Variants in NAALADL2 observed in about 807,000 individuals in gnomAD.
NAALADL2 encodes the protein N-acetylated alpha-linked acidic dipeptidase like 2, also known as inactive N-acetylated-alpha-linked acidic dipeptidase-like protein 2.
A neutral mutation model predicts 87.2 loss-of-function variants in NAALADL2; 76 were observed. The ratio of observed to expected loss-of-function variants is 0.87; its 90% confidence interval spans 0.72 to 1.05. The LOEUF is 1.05. NAALADL2 is among the 50% of genes least tolerant of loss of function. The pLI is 0.00. For synonymous variants in NAALADL2, 354 were observed against 331.0 expected (o/e 1.07, Z -0.75); for missense variants, 1,089 against 945.8 (o/e 1.15, Z -1.99).
intron 1 of NAALADL2, among the ~76,000 whole-genome samples, chr3:174,957,495 G>T (rs1203577947): frequency 6.6e-6 from 1 of 151,992 alleles, no homozygotes; most frequent in African/African-American, 2.4e-5. Context: ...AAAAGAGCTG[G>T]TTATACAATT....
intron 4 of NAALADL2, among the ~76,000 whole-genome samples, chr3:175,289,228 T>G (rs12638602): frequency 0.75 from 113,386 of 151,942 alleles, 42,769 homozygotes; most frequent in Non-Finnish European, 0.79. Context: ...TTTTAGATTT[T>G]AAGGATCAAG....
intron 1 of NAALADL2, among the ~76,000 whole-genome samples, chr3:174,495,538 G>T (rs1718477845): frequency 6.6e-6 from 1 of 152,126 alleles, no homozygotes. Flanking sequence ...TACCACAAGG[G>T]CATGAGCTAC....
At position 174,698,842 on chromosome 3, in the gene NAALADL2, T is replaced by C. The variant is rs373331516; in HGVS notation, c.-114-38799T>C. 7.3e-4 allele frequency among the ~76,000 whole-genome samples: 97 copies of C among 132,390 alleles called. 21 individuals carry two copies. Among genetic ancestry groups the C allele is most frequent in the South Asian group, 3.5e-3 (14 of 3,980 alleles). The allele number at this position is 132,390 out of a possible 152,430, so 86.9% of individuals were successfully genotyped here. ...TCCCGCCACTGCACTCCAGCCTGGG[T>C]GACAGAGCGAGACTCCGTCTCAAAG... is the stretch of plus-strand genomic sequence containing the variant. On this transcript the variant is annotated intron_variant, in intron 2 of 3. Transcript: ENST00000434257.
At chr3:175,462,990 T>C (rs1283834457) in intron 6 of NAALADL2, among the ~76,000 whole-genome samples, 1 of 152,226 alleles carries the variant, frequency 6.6e-6, no homozygotes, top group African/African-American at 2.4e-5. Flanking sequence ...GTCCACATGT[T>C]CTTTATCTGA....
intron 10 of NAALADL2, among the ~76,000 whole-genome samples, chr3:175,585,330 T>C (rs547806840): frequency 6.6e-6 from 1 of 152,244 alleles, no homozygotes; most frequent in Admixed American, 6.5e-5. Flanking sequence ...CAACATGTTA[T>C]GCAGGACGTG....
chr3:175,443,971 A>G (rs1048096399), intron 5 of NAALADL2, among the ~76,000 whole-genome samples: 8 of 152,232 alleles, frequency 5.3e-5, no homozygotes, highest in African/African-American at 1.7e-4. Flanking sequence ...CATGTGATGC[A>G]TGAGAAAAAC....
intron 5 of NAALADL2, among the ~76,000 whole-genome samples, chr3:175,344,293 C>A (rs1160977288): frequency 6.6e-6 from 1 of 151,982 alleles, no homozygotes; most frequent in Non-Finnish European, 1.5e-5. Flanking sequence ...TTTCAGCACG[C>A]CTGGAATTCA....
intron 1 of NAALADL2, among the ~76,000 whole-genome samples, chr3:174,892,021 G>A (rs916108840): frequency 5.3e-5 from 8 of 152,078 alleles, no homozygotes; most frequent in African/African-American, 1.9e-4. Flanking sequence ...CTGGGCTTGG[G>A]GTGCCCCCTA....
At position 175,581,164 on chromosome 3, in the gene NAALADL2, G is replaced by A. The variant is rs186912691; in HGVS notation, c.1800+4977G>A. On this transcript the variant is annotated intron_variant, in intron 10 of 13. Coordinates refer to ENST00000454872, the MANE Select transcript of NAALADL2 (RefSeq NM_207015.3). Reference sequence around the variant, plus strand: ...CTCTTTAAAAAAGGCTGAATAGGCCGGACGCGGTGGCTCATGCCTGTCATC... The same window carrying A: ...CTCTTTAAAAAAGGCTGAATAGGCCAGACGCGGTGGCTCATGCCTGTCATC... 224 of 387,282 alleles carry A rather than the reference G, an allele frequency of 5.8e-4. 1 individual carries two copies. Among genetic ancestry groups the A allele is most frequent in the Admixed American group, 1.3e-3 (50 of 38,932 alleles). 24.0% of individuals were successfully genotyped at this position (387,282 alleles called of 1,614,324 possible). A position where few individuals can be genotyped will look rare whatever the true frequency, so the allele number is the denominator to read the frequency against.
At chr3:174,697,508 A>G (rs1165286480) in intron 2 of NAALADL2, among the ~76,000 whole-genome samples, 1 of 152,150 alleles carries the variant, frequency 6.6e-6, no homozygotes, top group African/African-American at 2.4e-5. Flanking sequence ...CACACACAAT[A>G]AACAGGCTTA....
At chr3:175,739,400 A>G (rs567285082) in intron 12 of NAALADL2, among the ~76,000 whole-genome samples, 5 of 152,334 alleles carry the variant, frequency 3.3e-5, no homozygotes, top group African/African-American at 1.2e-4. Flanking sequence ...AATTGGCACA[A>G]TATTTCCACA....
intron 3 of NAALADL2, among the ~76,000 whole-genome samples, chr3:174,776,224 C>G (rs893498405): frequency 6.6e-6 from 1 of 152,084 alleles, no homozygotes; most frequent in African/African-American, 2.4e-5. Context: ...TCCCTAACAT[C>G]AACAATACTC....
intron 2 of NAALADL2, among the ~76,000 whole-genome samples, chr3:175,118,956 A>T (rs1473586814): frequency 5.3e-5 from 8 of 151,756 alleles, no homozygotes; most frequent in Non-Finnish European, 1.2e-4. Context: ...GTAGCAAAAA[A>T]TTAAATTGTT....
intron 1 of NAALADL2, among the ~76,000 whole-genome samples, chr3:174,514,511 A>G (rs983343960): frequency 6.6e-6 from 1 of 152,162 alleles, no homozygotes; most frequent in Non-Finnish European, 1.5e-5. Flanking sequence ...GTATGTTTTT[A>G]TTTGTTTCAC....
chr3:174,930,972 C>T (rs757471644), intron 1 of NAALADL2, among the ~76,000 whole-genome samples: 2 of 151,634 alleles, frequency 1.3e-5, no homozygotes, highest in African/African-American at 4.9e-5. Flanking sequence ...TATGATTGAA[C>T]TAAGTAGAAT....
chr3:175,311,747 T>C (rs547359928), intron 4 of NAALADL2, among the ~76,000 whole-genome samples: 2 of 148,420 alleles, frequency 1.3e-5, no homozygotes, highest in Non-Finnish European at 3.0e-5. Flanking sequence ...CCCTCCCTTC[T>C]TCCTTCCTGA....
chr3:175,155,441 A>G (rs367545042), intron 2 of NAALADL2, among the ~76,000 whole-genome samples: 27 of 152,300 alleles, frequency 1.8e-4, no homozygotes, highest in East Asian at 1.5e-3. Flanking sequence ...CCAAAGCTAC[A>G]GAGCCTTCAC....
intron 11 of NAALADL2, among the ~76,000 whole-genome samples, chr3:175,724,312 T>C (rs1054726551): frequency 2.6e-5 from 4 of 152,130 alleles, no homozygotes; most frequent in African/African-American, 7.2e-5. Context: ...CTAAGCAACA[T>C]GTAAAGACAA....
chr3:174,831,665 AT>A (rs1462964112), intron 3 of NAALADL2, among the ~76,000 whole-genome samples: 1 of 151,214 alleles, frequency 6.6e-6, no homozygotes, highest in East Asian at 1.9e-4. Context: ...ATTGATTGGA[AT>A]AGTTTCAGAA....
Sources: allele counts gnomAD v4.1 joint callset (sites outside exome capture counted in the v4.1 genomes callset), GRCh38; gene constraint gnomAD v4.1.1; transcripts MANE v1.5; gene names NCBI Gene and HGNC (gene_info 2026-07-23, HGNC 2026-07-21).